The following KLHL3 variants were observed in gnomAD, a reference collection of about 807,000 sequenced individuals.
The protein encoded by KLHL3 is kelch like family member 3, also known as kelch-like protein 3.
Under a neutral mutation model 70.5 loss-of-function variants are expected in KLHL3, and 19 were observed. The ratio of observed to expected loss-of-function variants is 0.27; its 90% CI spans 0.19 to 0.40. KLHL3 has a LOEUF of 0.40. KLHL3 is among the 10% of genes least tolerant of loss of function. The pLI, the probability that KLHL3 is intolerant of heterozygous loss-of-function variation, is 1.00. For synonymous variants in KLHL3, 258 were observed against 290.3 expected, an observed-to-expected ratio of 0.89 and a Z score of 1.13; for missense variants, 512 against 771.1, an observed-to-expected ratio of 0.66 and a Z score of 3.98.
At chr5:137,687,513 T>G (rs1417387588) in intron 5 of KLHL3, among the ~76,000 whole-genome samples, 2 of 3,888 alleles carry the variant, frequency 5.1e-4, no homozygotes, top group Non-Finnish European at 4.4e-4. Context: ...CCCCTCTGCC[T>G]GGCCAGCCGC....
chr5:137,711,052 G>A (rs976127986), intron 2 of KLHL3, among the ~76,000 whole-genome samples: 59 of 152,180 alleles, frequency 3.9e-4, no homozygotes, highest in African/African-American at 1.4e-3. Context: ...CTTCAACTGT[G>A]AGCCAATGGT....
intron 2 of KLHL3, among the ~76,000 whole-genome samples, chr5:137,712,156 CAAA>C (rs201519598): frequency 4.0e-4 from 30 of 74,868 alleles, no homozygotes; most frequent in African/African-American, 1.4e-3. Flanking sequence ...AAGATTCTGT[CAAA>C]AAAAAAAAAA....
chr5:137,716,106 T>TA (rs1368621015), intron 2 of KLHL3, among the ~76,000 whole-genome samples: 2 of 152,208 alleles, frequency 1.3e-5, no homozygotes, highest in Non-Finnish European at 2.9e-5. Flanking sequence ...GAACTGTCTT[T>TA]AAAAAATAAC....
intron 5 of KLHL3, 36 bp from the exon 6 acceptor site, chr5:137,677,690 A>G (rs748206509): frequency 3.6e-6 from 5 of 1,372,592 alleles, no homozygotes; most frequent in Non-Finnish European, 5.0e-6. Flanking sequence ...TTAAGAAAAC[A>G]AAGTTGTAAC....
At chr5:137,674,215 G>A (rs1387043693) in intron 6 of KLHL3, among the ~76,000 whole-genome samples, 1 of 152,142 alleles carries the variant, frequency 6.6e-6, no homozygotes, top group Non-Finnish European at 1.5e-5. Flanking sequence ...GAGCCATAGG[G>A]AGGTTCTTTT....
chr5:137,669,094 A>C (rs1751686325), intron 6 of KLHL3, among the ~76,000 whole-genome samples: 1 of 152,136 alleles, frequency 6.6e-6, no homozygotes, highest in South Asian at 2.1e-4. Flanking sequence ...CAAAAGGAGA[A>C]AGTAAGGCAG....
In KLHL3 at chr5:137,639,508, A is replaced by G. The variant is rs1425850007; in HGVS notation, c.1021+352T>C. ...TCAGGAGTTCAAGACCAGCTTGGCC[A>G]AAATGGTGAAACCCGTCTCTACTAA... On this transcript the variant is annotated intron_variant, in intron 9 of 14. Coordinates refer to ENST00000309755, the MANE Select transcript of KLHL3 (RefSeq NM_017415.3). The surrounding 1 kb of genome is among the most constrained non-coding windows in gnomAD (Gnocchi z 5.0). 6.6e-6 allele frequency among the ~76,000 whole-genome samples: 1 copy of G among 152,112 alleles called. No individual in the cohort carries two copies. The highest frequency in any genetic ancestry group is 1.9e-4 in the East Asian group (1 of 5,186).
intron 8 of KLHL3, among the ~76,000 whole-genome samples, chr5:137,645,228 A>T (rs1290558409): frequency 6.6e-6 from 1 of 152,198 alleles, no homozygotes; most frequent in African/African-American, 2.4e-5. Flanking sequence ...GGGAAAGTTG[A>T]AAGCTTTTCC....
intron 3 of KLHL3, chr5:137,706,492 G>A (rs570752744): frequency 7.0e-5 from 34 of 483,714 alleles, no homozygotes; most frequent in Admixed American, 2.6e-4. Flanking sequence ...AGATCAATGC[G>A]GCACATGTCT....
chr5:137,679,190 A>G (rs796403154), intron 5 of KLHL3, among the ~76,000 whole-genome samples: 7 of 150,982 alleles, frequency 4.6e-5, no homozygotes, highest in African/African-American at 1.7e-4. Context: ...GGAAGCTGGG[A>G]AAGTACTGGA....
intron 8 of KLHL3, among the ~76,000 whole-genome samples, chr5:137,641,550 C>T (rs1244352416): frequency 1.3e-5 from 2 of 152,110 alleles, no homozygotes; most frequent in South Asian, 2.1e-4. Context: ...TTTTTACTTC[C>T]CCATGATGTA....
intron 8 of KLHL3, among the ~76,000 whole-genome samples, chr5:137,645,750 G>C (rs1414785955): frequency 6.6e-6 from 1 of 151,570 alleles, no homozygotes; most frequent in Non-Finnish European, 1.5e-5. Context: ...AAGATTCAAT[G>C]TAATCCTTAT....
At chr5:137,665,628 GA>G (rs1236595091) in intron 6 of KLHL3, among the ~76,000 whole-genome samples, 1 of 152,086 alleles carries the variant, frequency 6.6e-6, no homozygotes, top group Non-Finnish European at 1.5e-5. Flanking sequence ...GAGAAGAAAA[GA>G]AATTCTAAGG....
At chr5:137,719,295 G>A (rs958239689) in intron 2 of KLHL3, among the ~76,000 whole-genome samples, 21 of 152,176 alleles carry the variant, frequency 1.4e-4, no homozygotes, top group Admixed American at 1.2e-3. Context: ...CCATTCCAGG[G>A]CCTAGCCAGT....
intron 12 of KLHL3, among the ~76,000 whole-genome samples, chr5:137,630,317 TA>T (rs1422105461): frequency 1.3e-5 from 2 of 152,020 alleles, no homozygotes; most frequent in Non-Finnish European, 2.9e-5. Flanking sequence ...TCCTCCAGTG[TA>T]GGTAAGAGAC....
At chr5:137,624,291 G>A (rs1750396495) in intron 14 of KLHL3, among the ~76,000 whole-genome samples, 1 of 152,136 alleles carries the variant, frequency 6.6e-6, no homozygotes, top group Admixed American at 6.5e-5. Flanking sequence ...GGCAGACAAT[G>A]AAGAAAGGGA....
intron 12 of KLHL3, 128 bp from the exon 13 acceptor site, chr5:137,628,565 G>A (rs1750543438): frequency 3.3e-6 from 3 of 916,090 alleles, no homozygotes; most frequent in Non-Finnish European, 1.7e-6. Flanking sequence ...TTGTCTCCCT[G>A]GACCTCAGTG....
chr5:137,670,745 G>A (rs138524523), intron 6 of KLHL3, among the ~76,000 whole-genome samples: 647 of 152,036 alleles, frequency 4.3e-3, no homozygotes, highest in African/African-American at 0.014. Flanking sequence ...TGAGGCAGGC[G>A]GATCATGAGG....
At chr5:137,727,863 G>A (rs1317375483) in intron 1 of KLHL3, among the ~76,000 whole-genome samples, 1 of 152,154 alleles carries the variant, frequency 6.6e-6, no homozygotes, top group Non-Finnish European at 1.5e-5. Flanking sequence ...ACAGTTGATT[G>A]GGAGGAAAGG....
Sources: allele counts gnomAD v4.1 joint callset (sites outside exome capture counted in the v4.1 genomes callset), GRCh38; gene constraint gnomAD v4.1.1; non-coding constraint Gnocchi (gnomAD v3.1); transcripts MANE v1.5; gene names NCBI Gene and HGNC (gene_info 2026-07-23, HGNC 2026-07-21).